Variants in CIT observed in about 807,000 individuals in gnomAD.
The protein encoded by CIT is citron Rho-interacting kinase.
Under a neutral mutation model 272.7 loss-of-function variants are expected in CIT, and 79 were observed. The ratio of observed to expected loss-of-function variants is 0.29; its 90% CI spans 0.24 to 0.35. The LOEUF is 0.35. Among genes scored for constraint, CIT ranks in the 10% least tolerant of loss-of-function variants. The pLI is 1.00. For missense variants in CIT, 1,909 were observed against 2,618.3 expected, an observed-to-expected ratio of 0.73 and a Z score of 5.91; for synonymous variants, 948 against 995.6, an observed-to-expected ratio of 0.95 and a Z score of 0.90.
intron 16 of CIT, among the ~76,000 whole-genome samples, chr12:119,773,869 G>C (rs1469217722): frequency 1.3e-5 from 2 of 152,204 alleles, no homozygotes; most frequent in Non-Finnish European, 2.9e-5. Context: ...TGGCTAAAGA[G>C]GGCCATGAGA....
In CIT at chr12:119,782,609, C is replaced by T. The variant is rs1259078814; in HGVS notation, c.1574G>A (p.Arg525Gln). 4.3e-6 allele frequency: 7 copies of T among 1,614,178 alleles called. No homozygotes were observed. The highest frequency in any genetic ancestry group is 1.3e-5 in the African/African-American group (1 of 75,054). Residue 525 changes from arginine to glutamine, a missense_variant, in exon 13 of 48, where the codon CGG (arginine) becomes CAG (glutamine). Transcript: ENST00000392521. ...SSLKRSLEQA[R>Q]MEVSQEDDKA... ...GTCATCCTCCTGGGACACCTCCATC[C>T]GTGCTTGCTCCAAACTTCGCTTTAA...
In CIT at chr12:119,718,578, G is replaced by C; in HGVS notation, c.4003+121C>G. On this transcript the variant is annotated intron_variant, in intron 31 of 47. Coordinates refer to ENST00000392521, the MANE Select transcript of CIT (RefSeq NM_001206999.2). This position sits in a 1 kb window ranked among gnomAD's most constrained non-coding sequence, Gnocchi z 4.8. ...ACGTTTTTCAGACATGGGATGTCTG[G>C]TCTGAAAGCGTATGGGCCATAAACG... 1 of 1,423,506 alleles carries C rather than the reference G, an allele frequency of 7.0e-7. No homozygotes were observed. Among genetic ancestry groups the C allele is most frequent in the South Asian group, 1.3e-5 (1 of 77,270 alleles). The allele number at this position is 1,423,506 out of a possible 1,614,324, so 88.2% of individuals were successfully genotyped here. A position where few individuals can be genotyped will look rare whatever the true frequency, so the allele number is the denominator to read the frequency against.
intron 3 of CIT, among the ~76,000 whole-genome samples, chr12:119,864,233 G>A (rs1950451732): frequency 1.3e-5 from 2 of 152,094 alleles, no homozygotes; most frequent in Non-Finnish European, 2.9e-5. Context: ...TAGTAATTCA[G>A]CTACTGTCAA....
At chr12:119,777,217 T>C (rs368986614) in intron 13 of CIT, among the ~76,000 whole-genome samples, 22 of 151,520 alleles carry the variant, frequency 1.5e-4, no homozygotes, top group African/African-American at 5.1e-4. Flanking sequence ...ATCGCGCCAC[T>C]GCACTCCAGC....
At chr12:119,798,195 A>G (rs1411280969) in intron 10 of CIT, among the ~76,000 whole-genome samples, 1 of 152,196 alleles carries the variant, frequency 6.6e-6, no homozygotes, top group Non-Finnish European at 1.5e-5. Flanking sequence ...GAGACTGAAA[A>G]TGAATCCCAG....
Position 119,728,098 on chromosome 12 carries a change from T to C in CIT, c.3591+404A>G, listed in dbSNP as rs892106450. Among the ~76,000 whole-genome samples, 1 of 151,982 alleles carries C rather than the reference T, an allele frequency of 6.6e-6. No homozygotes were observed. Reference sequence around the variant, plus strand: ...ACTATGGAGACAGCAAAAAGATCAGTGGCTGCCAGGAGTTGAGGGTGGGGA... The same window carrying C: ...ACTATGGAGACAGCAAAAAGATCAGCGGCTGCCAGGAGTTGAGGGTGGGGA... On this transcript the variant is annotated intron_variant, in intron 28 of 47. Transcript: ENST00000392521. The surrounding 1 kb of genome is among the most constrained non-coding windows in gnomAD (Gnocchi z 4.3).
chr12:119,714,214 T>C lies in CIT; in HGVS notation c.4289A>G (p.Gln1430Arg). Residue 1430 changes from glutamine (Q) to arginine (R), a missense_variant, in exon 33 of 48, where the codon CAG (glutamine) becomes CGG (arginine). Around this residue, in one of 8 missense-constraint regions of CIT, gnomAD observed 780 missense variants for 1,067.2 expected, o/e 0.73. Coordinates refer to ENST00000392521, the MANE Select transcript of CIT (RefSeq NM_001206999.2). ...VCLDTVHFGR[Q>R]ASKCLECQVM... is the part of the protein sequence containing the mutation. ...GATCTTACCGAGACATTTGGATGCC[T>C]GGCGTCCAAAGTGCACGGTATCCAG... The C allele has an allele frequency of 6.2e-7, 1 of 1,614,124 alleles. No homozygotes were observed. The highest frequency in any genetic ancestry group is 8.5e-7 in the Non-Finnish European group (1 of 1,180,010).
At chr12:119,696,046 C>A (rs1325673413) in intron 46 of CIT, among the ~76,000 whole-genome samples, 1 of 152,132 alleles carries the variant, frequency 6.6e-6, no homozygotes, top group Non-Finnish European at 1.5e-5. Flanking sequence ...AGAGGGCTGG[C>A]TGTATTGGCA....
chr12:119,779,238 A>G (rs148223553), intron 13 of CIT, among the ~76,000 whole-genome samples: 3 of 152,226 alleles, frequency 2.0e-5, no homozygotes, highest in African/African-American at 7.2e-5. Context: ...TAATTAATTA[A>G]TTAATTCACA....
chr12:119,777,712 G>C (rs2137649744), intron 13 of CIT, among the ~76,000 whole-genome samples: 1 of 151,388 alleles, frequency 6.6e-6, no homozygotes, highest in Admixed American at 6.6e-5. Flanking sequence ...TTAATGTAGA[G>C]CATATGTCAT....
chr12:119,876,125 C>A lies in CIT; in HGVS notation c.44G>T (p.Gly15Val), dbSNP rs113164242. 17 of 1,613,984 alleles carry A rather than the reference C, an allele frequency of 1.1e-5. No homozygotes were observed. In the African/African-American group the frequency reaches 1.5e-4, roughly 14 times the overall value. Residue 15 changes from glycine to valine, a missense_variant, in exon 2 of 48, where the codon GGT becomes GTT. Gly to Val is a moderately radical substitution (Grantham distance 109). Transcript: ENST00000392521. The stretch of plus-strand genomic sequence containing the variant: ...CCGGCTGGCAATGGGTTCAGCAGCA[C>A]CAGCATCCAAAGGATTCCGCGCTCC... ...KYGARNPLDA[G>V]AAEPIASRAS...
intron 9 of CIT, among the ~76,000 whole-genome samples, chr12:119,805,109 A>G (rs1309525535): frequency 6.6e-6 from 1 of 152,140 alleles, no homozygotes; most frequent in Non-Finnish European, 1.5e-5. Context: ...ATTGTATTTC[A>G]TAAGGATCAA....
rs560962953 is a variant in CIT, at chr12:119,707,301, T to C, written c.5211+878A>G. Among the ~76,000 whole-genome samples the C allele has an allele frequency of 1.6e-3, 241 of 152,338 alleles. 1 individual carries two copies. Among genetic ancestry groups the C allele is most frequent in the African/African-American group, 5.6e-3 (233 of 41,570 alleles). Reference sequence around the variant, plus strand: ...ATTTTAGATTCAAAACCTGTACAAATTTCATGGCTACACAAATTATTTCAC... The same window carrying C: ...ATTTTAGATTCAAAACCTGTACAAACTTCATGGCTACACAAATTATTTCAC... On this transcript the variant is annotated intron_variant, in intron 40 of 47. Coordinates refer to ENST00000392521, the MANE Select transcript of CIT (RefSeq NM_001206999.2).
rs1419116767 is a variant in CIT, at chr12:119,804,619, ATG to A, written c.1112-1232_1112-1231del. On this transcript the variant is annotated intron_variant, in intron 9 of 47. Transcript: ENST00000392521. The surrounding 1 kb of genome is among the most constrained non-coding windows in gnomAD (Gnocchi z 5.3). Reference sequence around the variant, plus strand: ...TTCTGGACAAAGCTGGGTGCCAGATATGAGCAGCAAGCAGTCTGTTTTCTGCT... The same window carrying A: ...TTCTGGACAAAGCTGGGTGCCAGATAAGCAGCAAGCAGTCTGTTTTCTGCT... 4 of 388,906 alleles carry A rather than the reference ATG, an allele frequency of 1.0e-5. No individual in the cohort carries two copies. The East Asian group carries it at 6.5e-4, about 63-fold the overall frequency. The allele number at this position is 388,906 out of a possible 1,614,324, so 24.1% of individuals were successfully genotyped here.
At chr12:119,842,388 CA>C (rs58634070) in intron 5 of CIT, among the ~76,000 whole-genome samples, 13,738 of 70,866 alleles carry the variant, frequency 0.19, 343 homozygotes, top group East Asian at 0.36. Context: ...GACTGCATCT[CA>C]AAAAAAAAAA....
rs746472962 is a variant in CIT, at chr12:119,690,140, T to G, written c.6186+11A>C. 11 of 1,456,956 alleles carry G rather than the reference T, an allele frequency of 7.5e-6. No individual in the cohort carries two copies. The East Asian group carries it at 2.9e-4, about 38-fold the overall frequency. 90.3% of individuals were successfully genotyped at this position (1,456,956 alleles called of 1,614,324 possible). A position where few individuals can be genotyped will look rare whatever the true frequency, so the allele number is the denominator to read the frequency against. ...CGCAACAGACACACAGGCCTCGGAA[T>G]GCTGCCTCACCTTGTTCACCTGGGA... On this transcript the variant is annotated intron_variant, in intron 47 of 47. Coordinates refer to ENST00000392521, the MANE Select transcript of CIT (RefSeq NM_001206999.2). This position sits in a 1 kb window ranked among gnomAD's most constrained non-coding sequence, Gnocchi z 6.0.
chr12:119,701,218 AGGGGAGGGAGGGGATGGGGAGGGG>A (rs535243063), intron 43 of CIT, among the ~76,000 whole-genome samples: 4,205 of 37,376 alleles, frequency 0.11, 380 homozygotes, highest in African/African-American at 0.33. Context: ...GGGGAGGGGG[AGGGGAGGGAGGGGATGGGGAGGGG>A]GAGGGGAGGA....
At chr12:119,776,998 T>G (rs959875544) in intron 13 of CIT, among the ~76,000 whole-genome samples, 156 bp from the exon 14 acceptor site, 1 of 152,210 alleles carries the variant, frequency 6.6e-6, no homozygotes, top group Non-Finnish European at 1.5e-5. Context: ...CTCACGCCTG[T>G]AATCCCAGCA....
intron 29 of CIT, 106 bp downstream of exon 29, chr12:119,721,203 G>C (rs1957801398): frequency 2.0e-6 from 2 of 977,102 alleles, no homozygotes. Flanking sequence ...CTGACCTCAA[G>C]TAATCTGCCC....
Sources: gnomAD v4.1 joint callset for allele counts (sites outside exome capture counted in the v4.1 genomes callset) on GRCh38, gnomAD v4.1.1 for gene constraint, gnomAD v4.1.1 regional missense constraint, Gnocchi (gnomAD v3.1) non-coding constraint, MANE v1.5 for transcripts, NCBI Gene and HGNC (gene_info 2026-07-23, HGNC 2026-07-21) for gene names.